Variants in AP2B1 observed in about 807,000 individuals in gnomAD.
AP2B1 encodes the protein adaptor related protein complex 2 subunit beta 1, also known as AP-2 complex subunit beta.
Under a neutral mutation model 102.0 loss-of-function variants are expected in AP2B1, and 23 were observed. The ratio of observed to expected loss-of-function variants is 0.23; its 90% CI spans 0.16 to 0.32. The LOEUF is 0.32. Ranked by LOEUF, AP2B1 falls within the 10% of genes least tolerant of loss-of-function variation. The pLI is 1.00. For missense variants in AP2B1, 541 were observed against 1,157.4 expected (o/e 0.47, Z 7.73); for synonymous variants, 381 against 421.2 (o/e 0.90, Z 1.17).
chr17:35,687,349 C>T (rs587737346), intron 18 of AP2B1, among the ~76,000 whole-genome samples: 1 of 151,566 alleles, frequency 6.6e-6, no homozygotes, highest in South Asian at 2.1e-4. Context: ...CAAATTCCTG[C>T]GGTCAAGCAA....
chr17:35,657,663 A>G lies in AP2B1; in HGVS notation c.1861A>G (p.Ile621Val). Reference sequence around the variant, plus strand: ...AACGAACCTGGAACAGCCTCAGGTTATCCCCTCTCAAGGTGATCTTCTAGG... The same window carrying G: ...AACGAACCTGGAACAGCCTCAGGTTGTCCCCTCTCAAGGTGATCTTCTAGG... ...TATNLEQPQV[I>V]PSQGDLLGDL... The change falls in exon 14 of 22, where the codon ATC (isoleucine) becomes GTC (valine). Residue 621 changes from isoleucine to valine, a missense_variant. Around this residue, in one of 10 missense-constraint regions of AP2B1, gnomAD observed 39 missense variants for 42.0 expected, o/e 0.93. Transcript: ENST00000610402. 6.2e-7 allele frequency: 1 copy of G among 1,614,184 alleles called. No homozygotes were observed. The highest frequency in any genetic ancestry group is 8.5e-7 in the Non-Finnish European group (1 of 1,180,012).
chr17:35,605,340 C>A (rs184398362), intron 3 of AP2B1, among the ~76,000 whole-genome samples: 14 of 151,974 alleles, frequency 9.2e-5, no homozygotes, highest in African/African-American at 2.9e-4. Flanking sequence ...ACTCTGCCTC[C>A]CAGGTTCAAA....
chr17:35,620,260 T>G (rs930995180), intron 5 of AP2B1, among the ~76,000 whole-genome samples: 1 of 151,828 alleles, frequency 6.6e-6, no homozygotes, highest in Admixed American at 6.6e-5. Context: ...ATGGGAGGAC[T>G]GCATGAGGCC....
In AP2B1 at chr17:35,626,921, G is replaced by A; in HGVS notation, c.938+79G>A. 4 of 1,308,360 alleles carry A rather than the reference G, an allele frequency of 3.1e-6. No homozygotes were observed. In the Admixed American group the frequency reaches 7.7e-5, roughly 25 times the overall value. 81.0% of individuals were successfully genotyped at this position (1,308,360 alleles called of 1,614,324 possible). A position where few individuals can be genotyped will look rare whatever the true frequency, so the allele number is the denominator to read the frequency against. ...AATAATGTCAATGTTAATTAGGCTA[G>A]TGTTAATCTCTTTTTAATATATGGA... On this transcript the variant is annotated intron_variant, in intron 7 of 21. Coordinates refer to ENST00000610402, the MANE Select transcript of AP2B1 (RefSeq NM_001030006.2).
At chr17:35,688,743 C>A (rs1473711704) in intron 18 of AP2B1, among the ~76,000 whole-genome samples, 1 of 152,152 alleles carries the variant, frequency 6.6e-6, no homozygotes, top group African/African-American at 2.4e-5. Context: ...GAGGGCGGAT[C>A]ACTTAAGGCC....
intron 3 of AP2B1, among the ~76,000 whole-genome samples, chr17:35,605,283 T>A (rs1463493833): frequency 6.6e-6 from 1 of 150,784 alleles, no homozygotes; most frequent in Non-Finnish European, 1.5e-5. Context: ...AGTCTCGCTC[T>A]TGTTGCCCAG....
At chr17:35,628,989 C>T (rs999018715) in intron 9 of AP2B1, among the ~76,000 whole-genome samples, 4 of 151,834 alleles carry the variant, frequency 2.6e-5, no homozygotes, top group African/African-American at 9.7e-5. Flanking sequence ...GTCTCTGTTG[C>T]CCAGGCTGGA....
At chr17:35,671,639 A>G in intron 15 of AP2B1, 115 bp from the exon 16 acceptor site, 2 of 1,033,664 alleles carry the variant, frequency 1.9e-6, no homozygotes, top group Middle Eastern at 3.2e-4. Flanking sequence ...AGAATATTGT[A>G]ATTATGGTGT....
At chr17:35,618,291 G>A (rs1309302223) in intron 5 of AP2B1, among the ~76,000 whole-genome samples, 1 of 152,168 alleles carries the variant, frequency 6.6e-6, no homozygotes, top group Non-Finnish European at 1.5e-5. Context: ...AAAGGAGATA[G>A]CAATATTCTA....
chr17:35,640,435 A>C (rs1435228932), intron 11 of AP2B1, among the ~76,000 whole-genome samples: 55 of 151,290 alleles, frequency 3.6e-4, no homozygotes, highest in Non-Finnish European at 7.4e-5. Flanking sequence ...ACAGGGTTTC[A>C]CCATGTTGGC....
chr17:35,701,783 T>C (rs975199176), intron 18 of AP2B1, among the ~76,000 whole-genome samples: 3 of 152,148 alleles, frequency 2.0e-5, no homozygotes, highest in African/African-American at 7.2e-5. Context: ...AGTCAGCTTT[T>C]TTTGTTTTGT....
At chr17:35,643,296 C>T (rs2074836410) in intron 12 of AP2B1, among the ~76,000 whole-genome samples, 1 of 152,144 alleles carries the variant, frequency 6.6e-6, no homozygotes, top group South Asian at 2.1e-4. Flanking sequence ...CATAGAATGA[C>T]ATTATTAGAG....
intron 5 of AP2B1, among the ~76,000 whole-genome samples, chr17:35,617,930 T>C (rs1250798383): frequency 1.3e-5 from 2 of 152,234 alleles, no homozygotes; most frequent in African/African-American, 2.4e-5. Flanking sequence ...GTACTTGAAT[T>C]TTGTTAAATC....
intron 4 of AP2B1, among the ~76,000 whole-genome samples, chr17:35,606,309 G>C (rs1466510741): frequency 6.6e-6 from 1 of 150,642 alleles, no homozygotes; most frequent in Non-Finnish European, 1.5e-5. Flanking sequence ...GCACGATCTT[G>C]GCTCACTGCA....
At chr17:35,686,662 T>C (rs972529194) in intron 18 of AP2B1, among the ~76,000 whole-genome samples, 5 of 152,194 alleles carry the variant, frequency 3.3e-5, no homozygotes, top group African/African-American at 1.2e-4. Context: ...CAACTAATTC[T>C]ACAATTATTT....
chr17:35,607,020 C>T (rs2073701829), intron 4 of AP2B1, among the ~76,000 whole-genome samples: 1 of 152,056 alleles, frequency 6.6e-6, no homozygotes, highest in Non-Finnish European at 1.5e-5. Context: ...ATTCTCCTGC[C>T]TCATCCTCCC....
chr17:35,607,898 G>C lies in AP2B1; in HGVS notation c.280-244G>C, dbSNP rs1450509553. On this transcript the variant is annotated intron_variant, in intron 4 of 21. Transcript: ENST00000610402. ...CTAAACCTCTGCCTGGCACTAGAGT[G>C]AATCCTGCTGAGCTGTTTCTCATTT... 7 of 469,698 alleles carry C rather than the reference G, an allele frequency of 1.5e-5. No individual in the cohort carries two copies. In the East Asian group the frequency reaches 2.8e-4, roughly 19 times the overall value. The allele number at this position is 469,698 out of a possible 1,614,324, so 29.1% of individuals were successfully genotyped here. A position where few individuals can be genotyped will look rare whatever the true frequency, so the allele number is the denominator to read the frequency against.
rs373750516 is a variant in AP2B1 at position 35,650,668 on chromosome 17, C to T, written c.1675C>T (p.Leu559=). 6.4e-5 allele frequency: 103 copies of T among 1,614,198 alleles called. 1 individual carries two copies. Among genetic ancestry groups the T allele is most frequent in the South Asian group, 2.5e-4 (23 of 91,086 alleles). The change falls in exon 13 of 22, where the codon CTG becomes TTG. Residue 559 remains leucine (L), a synonymous_variant. Transcript: ENST00000610402. Reference sequence around the variant, plus strand: ...GGAGACGGACCTTATTGAGCCAACTCTGCTGGATGAGCTAATCTGCCACAT... The same window carrying T: ...GGAGACGGACCTTATTGAGCCAACTTTGCTGGATGAGCTAATCTGCCACAT... ...SEETDLIEPT[L]LDELICHIGS... is the part of the protein sequence containing the mutation.
intron 3 of AP2B1, among the ~76,000 whole-genome samples, chr17:35,605,450 A>G (rs1197910976): frequency 6.6e-6 from 1 of 151,990 alleles, no homozygotes; most frequent in African/African-American, 2.4e-5. Flanking sequence ...GGGTTTCTCC[A>G]TGTTGGTCAG....
Sources: gnomAD v4.1 joint callset for allele counts (sites outside exome capture counted in the v4.1 genomes callset) on GRCh38, gnomAD v4.1.1 for gene constraint, gnomAD v4.1.1 regional missense constraint, MANE v1.5 for transcripts, NCBI Gene and HGNC (gene_info 2026-07-23, HGNC 2026-07-21) for gene names.